The following CFAP43 variants were observed in gnomAD, a reference collection of about 807,000 sequenced individuals.
The protein encoded by CFAP43 is cilia and flagella associated protein 43, also known as cilia- and flagella-associated protein 43.
CFAP43 carries 155 observed loss-of-function variants against 218.9 expected under a neutral mutation model. The observed-to-expected ratio is 0.71, with a 90% confidence interval of 0.62 to 0.81. CFAP43 has a LOEUF of 0.81. CFAP43 is among the 30% of genes least tolerant of loss of function. CFAP43 has a pLI of 0.00. For synonymous variants in CFAP43, 645 were observed against 681.3 expected, an observed-to-expected ratio of 0.95 and a Z score of 0.83; for missense variants, 1,778 against 1,954.3, an observed-to-expected ratio of 0.91 and a Z score of 1.70.
intron 13 of CFAP43, among the ~76,000 whole-genome samples, chr10:104,188,036 C>T (rs1003536041): frequency 6.6e-6 from 1 of 152,232 alleles, no homozygotes; most frequent in Non-Finnish European, 1.5e-5. Context: ...TTGATGTGTC[C>T]GTTGATCCTA....
At chr10:104,215,528 C>A (rs543106642) in intron 3 of CFAP43, among the ~76,000 whole-genome samples, 11 of 152,240 alleles carry the variant, frequency 7.2e-5, no homozygotes, top group African/African-American at 2.6e-4. Flanking sequence ...TGGATGGAGA[C>A]AACTGAAAGC....
chr10:104,156,654 T>A (rs1179831671), intron 27 of CFAP43, among the ~76,000 whole-genome samples: 1 of 152,150 alleles, frequency 6.6e-6, no homozygotes, highest in Non-Finnish European at 1.5e-5. Flanking sequence ...GCCCACAGAC[T>A]AGAGAGCTCT....
chr10:104,203,234 G>A (rs1410379027), intron 8 of CFAP43, among the ~76,000 whole-genome samples: 1 of 152,118 alleles, frequency 6.6e-6, no homozygotes, highest in African/African-American at 2.4e-5. Context: ...GGGTAGACAC[G>A]TGATTCAGTC....
intron 3 of CFAP43, among the ~76,000 whole-genome samples, chr10:104,220,489 G>A (rs922754717): frequency 1.3e-5 from 2 of 151,878 alleles, no homozygotes; most frequent in Non-Finnish European, 2.9e-5. Context: ...ATCAATGAAA[G>A]CTATAAAAGA....
intron 1 of CFAP43, among the ~76,000 whole-genome samples, chr10:104,231,796 T>C (rs1375053457): frequency 1.3e-5 from 2 of 152,038 alleles, no homozygotes; most frequent in African/African-American, 2.4e-5. Flanking sequence ...TCACCAAAGG[T>C]AGCAAGGACG....
At chr10:104,190,807 CA>C (rs2090186019) in intron 12 of CFAP43, among the ~76,000 whole-genome samples, 1 of 152,200 alleles carries the variant, frequency 6.6e-6, no homozygotes, top group Non-Finnish European at 1.5e-5. Context: ...TGAGTTTGTG[CA>C]TTGTGGATAA....
chr10:104,143,745 C>A (rs2087815873), intron 31 of CFAP43, 106 bp from the exon 32 acceptor site: 1 of 1,090,012 alleles, frequency 9.2e-7, no homozygotes, highest in Non-Finnish European at 1.3e-6. Flanking sequence ...ATGGCTCTTC[C>A]CTTTGCCATG....
At position 104,207,259 on chromosome 10, in the gene CFAP43, T is replaced by A. The variant is rs149583418; in HGVS notation, c.895+406A>T. Among the ~76,000 whole-genome samples, 9 of 152,008 alleles carry A rather than the reference T, an allele frequency of 5.9e-5. No individual in the cohort carries two copies. The East Asian group carries it at 1.7e-3, about 29-fold the overall frequency. ...TTTTGGGCTTAACAGATGATCAGCC[T>A]GGAGAAAAGGGTTGGGGTGGGGGCA... On this transcript the variant is annotated intron_variant, in intron 6 of 37. Transcript: ENST00000357060.
intron 2 of CFAP43, among the ~76,000 whole-genome samples, chr10:104,227,123 T>C (rs1039383611): frequency 6.6e-6 from 1 of 152,182 alleles, no homozygotes; most frequent in Non-Finnish European, 1.5e-5. Context: ...TTTATCATTA[T>C]CTTAACACTT....
At chr10:104,177,580 T>G (rs1247728496) in intron 19 of CFAP43, among the ~76,000 whole-genome samples, 2 of 151,882 alleles carry the variant, frequency 1.3e-5, no homozygotes, top group Non-Finnish European at 2.9e-5. Flanking sequence ...GGCAAGAGAG[T>G]GCATTGCTAC....
intron 28 of CFAP43, among the ~76,000 whole-genome samples, chr10:104,152,108 T>C (rs1194149134): frequency 6.6e-6 from 1 of 152,182 alleles, no homozygotes; most frequent in Non-Finnish European, 1.5e-5. Flanking sequence ...TCATTCAACA[T>C]ACACTTTGAA....
intron 3 of CFAP43, among the ~76,000 whole-genome samples, chr10:104,222,511 CCTCA>C (rs1223125770): frequency 6.6e-6 from 1 of 152,208 alleles, no homozygotes; most frequent in Non-Finnish European, 1.5e-5. Context: ...TGCCGCAGAG[CCTCA>C]CTGAGAATCT....
intron 3 of CFAP43, among the ~76,000 whole-genome samples, chr10:104,224,376 G>A (rs1388766932): frequency 6.6e-6 from 1 of 151,930 alleles, no homozygotes; most frequent in Non-Finnish European, 1.5e-5. Flanking sequence ...TTACGGTGAT[G>A]GGTTTATACA....
At position 104,133,604 on chromosome 10, in the gene CFAP43, G is replaced by A; in HGVS notation, c.4596+16C>T. 1 of 1,606,826 alleles carries A rather than the reference G, an allele frequency of 6.2e-7. No homozygotes were observed. Among genetic ancestry groups the A allele is most frequent in the East Asian group, 2.2e-5 (1 of 44,634 alleles). ...GAATAAAATTAAAACTATGTAGGGG[G>A]GTAGGGAGAATTTACCTTTTGACGA... On this transcript the variant is annotated intron_variant, in intron 35 of 37. Coordinates refer to ENST00000357060, the MANE Select transcript of CFAP43 (RefSeq NM_025145.7).
intron 28 of CFAP43, among the ~76,000 whole-genome samples, chr10:104,150,126 T>A (rs1383550875): frequency 1.3e-5 from 2 of 152,220 alleles, no homozygotes; most frequent in African/African-American, 4.8e-5. Context: ...GCACATTCCT[T>A]TTTATTGTGG....
intron 27 of CFAP43, 115 bp from the exon 28 acceptor site, chr10:104,152,841 T>G (rs773833653): frequency 9.9e-6 from 11 of 1,114,644 alleles, no homozygotes; most frequent in Non-Finnish European, 1.4e-5. Flanking sequence ...TTGCAAGGTG[T>G]TCTGGGCTCT....
chr10:104,226,175 C>T (rs893483273), intron 2 of CFAP43, among the ~76,000 whole-genome samples: 9 of 152,202 alleles, frequency 5.9e-5, no homozygotes, highest in Non-Finnish European at 1.3e-4. Flanking sequence ...GTCTGATTTT[C>T]CCTCTTCTTC....
chr10:104,189,234 C>A (rs2090130331), intron 12 of CFAP43, among the ~76,000 whole-genome samples: 1 of 152,096 alleles, frequency 6.6e-6, no homozygotes, highest in African/African-American at 2.4e-5. Context: ...TTTTTAGCTT[C>A]TTGTGTCCCT....
chr10:104,140,831 A>G lies in CFAP43; in HGVS notation c.4431+11T>C. The stretch of plus-strand genomic sequence containing the variant: ...ACCTTGAATTAAAATAAAAATAAAA[A>G]GTATAATTACCCGAATCACAGAATT... On this transcript the variant is annotated intron_variant, in intron 34 of 37. Coordinates refer to ENST00000357060, the MANE Select transcript of CFAP43 (RefSeq NM_025145.7). 1 of 1,576,214 alleles carries G rather than the reference A, an allele frequency of 6.3e-7. No individual in the cohort carries two copies. The highest frequency in any genetic ancestry group is 2.0e-4 in the Middle Eastern group (1 of 4,962).
Sources: allele counts gnomAD v4.1 joint callset (sites outside exome capture counted in the v4.1 genomes callset), GRCh38; gene constraint gnomAD v4.1.1; transcripts MANE v1.5; gene names NCBI Gene and HGNC (gene_info 2026-07-23, HGNC 2026-07-21).